Variants in NINL observed in about 807,000 individuals in gnomAD.
NINL encodes the protein ninein-like protein.
Under a neutral mutation model 160.3 loss-of-function variants are expected in NINL, and 153 were observed. The observed-to-expected ratio is 0.95, with a 90% CI of 0.84 to 1.09. The LOEUF (loss-of-function observed/expected upper bound fraction) is 1.09, where lower values mean the gene tolerates loss of function less well. Among genes scored for constraint, NINL ranks in the 50% least tolerant of loss-of-function variants. The probability of loss-of-function intolerance (pLI) is 0.00; values close to 1 mark genes in which losing one functional copy is unlikely to be tolerated. For synonymous variants in NINL, 800 were observed against 734.8 expected (o/e 1.09, Z -1.43); for missense variants, 1,829 against 1,764.0 (o/e 1.04, Z -0.66).
At chr20:25,460,931 C>T (rs1410677498) in intron 21 of NINL, among the ~76,000 whole-genome samples, 1 of 152,192 alleles carries the variant, frequency 6.6e-6, no homozygotes, top group African/African-American at 2.4e-5. Context: ...CCGTTACACA[C>T]CTGCTCTTCT....
At chr20:25,508,614 T>G (rs1045647364) in intron 5 of NINL, among the ~76,000 whole-genome samples, 1 of 152,190 alleles carries the variant, frequency 6.6e-6, no homozygotes, top group African/African-American at 2.4e-5. Context: ...TCATGCCTCC[T>G]ACAAGGGGAC....
At chr20:25,545,343 A>T (rs2064718702) in intron 1 of NINL, among the ~76,000 whole-genome samples, 1 of 152,172 alleles carries the variant, frequency 6.6e-6, no homozygotes, top group South Asian at 2.1e-4. Context: ...ATTTGGGAAA[A>T]TAAGCTTGTA....
At chr20:25,558,771 T>C (rs145291068) in intron 1 of NINL, among the ~76,000 whole-genome samples, 4 of 152,176 alleles carry the variant, frequency 2.6e-5, no homozygotes, top group Non-Finnish European at 4.4e-5. Context: ...CAAGAGCAAG[T>C]AGGCAGGCAG....
At chr20:25,516,378 A>G (rs1243964071) in intron 3 of NINL, among the ~76,000 whole-genome samples, 1 of 152,212 alleles carries the variant, frequency 6.6e-6, no homozygotes, top group African/African-American at 2.4e-5. Context: ...AAAGAAAGAA[A>G]AAGAAAAAGA....
At chr20:25,460,490 G>A (rs990696805) in intron 21 of NINL, among the ~76,000 whole-genome samples, 3 of 152,200 alleles carry the variant, frequency 2.0e-5, no homozygotes, top group African/African-American at 7.2e-5. Flanking sequence ...GCCAGGTGCT[G>A]AGGAAGTGCT....
intron 7 of NINL, among the ~76,000 whole-genome samples, chr20:25,501,649 C>A (rs1177050870): frequency 6.6e-6 from 1 of 152,212 alleles, no homozygotes; most frequent in Non-Finnish European, 1.5e-5. Context: ...GGCTGCCTGA[C>A]CCTTCCTCAG....
chr20:25,453,271 C>G lies in NINL; in HGVS notation c.*180G>C, dbSNP rs2090576492. 1 of 491,060 alleles carries G rather than the reference C, an allele frequency of 2.0e-6. No homozygotes were observed. The highest frequency in any genetic ancestry group is 4.0e-5 in the Admixed American group (1 of 25,232). The allele number at this position is 491,060 out of a possible 1,614,324, so 30.4% of individuals were successfully genotyped here. A position where few individuals can be genotyped will look rare whatever the true frequency, so the allele number is the denominator to read the frequency against. ...GGCTTCTGCAACATGCATATTCCCC[C>G]AGCCCCCACCTCCATCTTGCCCAGG... On this transcript the variant is annotated 3_prime_UTR_variant, in exon 24 of 24. Transcript: ENST00000278886.
At chr20:25,578,985 A>G (rs2065145891) in intron 1 of NINL, among the ~76,000 whole-genome samples, 1 of 151,812 alleles carries the variant, frequency 6.6e-6, no homozygotes, top group Non-Finnish European at 1.5e-5. Flanking sequence ...TAAAACATAA[A>G]TAAATAAAAT....
chr20:25,561,350 C>G (rs921382751), intron 1 of NINL, among the ~76,000 whole-genome samples: 3 of 152,158 alleles, frequency 2.0e-5, no homozygotes, highest in African/African-American at 7.2e-5. Flanking sequence ...TCAATGGTGC[C>G]CAGGCTGGAG....
At position 25,498,315 on chromosome 20, in the gene NINL, T is replaced by A. The variant is rs575771962; in HGVS notation, c.1064A>T (p.Asn355Ile). Reference sequence around the variant, plus strand: ...AAGGGCCCAGGTCAGCTCCAGAAGGTTCACCTTCTCGTCCACGCTGAAGTC... The same window carrying A: ...AAGGGCCCAGGTCAGCTCCAGAAGGATCACCTTCTCGTCCACGCTGAAGTC... The part of the protein sequence containing the change: ...SLDFSVDEKV[N>I]LLELTWALDN... Residue 355 changes from asparagine (N) to isoleucine (I), a missense_variant, in exon 9 of 24, where the codon AAC becomes ATC. By Grantham distance (149) the Asn-to-Ile change is moderately radical (BLOSUM62 -3). Coordinates refer to ENST00000278886, the MANE Select transcript of NINL (RefSeq NM_025176.6). The A allele has an allele frequency of 6.2e-7, 1 of 1,613,100 alleles. No homozygotes were observed. The highest frequency in any genetic ancestry group is 2.2e-5 in the East Asian group (1 of 44,864).
At chr20:25,487,838 C>T (rs1415506445) in intron 13 of NINL, among the ~76,000 whole-genome samples, 1 of 152,248 alleles carries the variant, frequency 6.6e-6, no homozygotes, top group East Asian at 1.9e-4. Context: ...CCATGGGGAG[C>T]TGGCTGGGCC....
intron 3 of NINL, among the ~76,000 whole-genome samples, chr20:25,515,781 G>GT (rs575717789): frequency 3.8e-4 from 58 of 151,830 alleles, no homozygotes; most frequent in Admixed American, 1.6e-3. Context: ...TTTTTGTTTT[G>GT]TTTTTTTGAG....
chr20:25,552,597 G>C (rs936871519), intron 1 of NINL, among the ~76,000 whole-genome samples: 1 of 152,196 alleles, frequency 6.6e-6, no homozygotes, highest in Non-Finnish European at 1.5e-5. Flanking sequence ...TCGCCCTTCT[G>C]TCTAAATCAC....
intron 17 of NINL, among the ~76,000 whole-genome samples, chr20:25,472,342 T>C: frequency 7.8e-6 from 1 of 127,838 alleles, no homozygotes; most frequent in South Asian, 2.5e-4. Context: ...TATATATATA[T>C]ATATATATAT....
intron 17 of NINL, among the ~76,000 whole-genome samples, chr20:25,472,487 A>G (rs1197996424): frequency 6.8e-6 from 1 of 148,012 alleles, no homozygotes; most frequent in Non-Finnish European, 1.5e-5. Flanking sequence ...TGGCTGAGAG[A>G]TTTTCATGAG....
chr20:25,458,464 C>T lies in NINL; in HGVS notation c.3762G>A (p.Val1254=). The part of the protein sequence containing the change: ...QAQHLQEVRL[V]PQDRVAELHR... ...GCAGCTCGGCCACACGGTCCTGGGG[C>T]ACCAGCCGGACCTCCTGCAAGTGCT... Residue 1254 remains valine (V), a synonymous_variant, in exon 22 of 24, where the codon GTG becomes GTA. Transcript: ENST00000278886. The T allele has an allele frequency of 1.2e-6, 2 of 1,604,332 alleles. No homozygotes were observed. The highest frequency in any genetic ancestry group is 1.7e-6 in the Non-Finnish European group (2 of 1,179,890).
Position 25,476,702 on chromosome 20 carries a change from TG to T in NINL, c.2588del (p.Pro863GlnfsTer100). The part of the protein sequence containing the change: ...CGERPLAWLA[P>X]GDGRESEEAA... Reference sequence around the variant, plus strand: ...CCTCCTCAGACTCTCTGCCATCACCTGGGGCCAGCCAGGCCAGTGGCCGCTC... The same window carrying T: ...CCTCCTCAGACTCTCTGCCATCACCTGGGCCAGCCAGGCCAGTGGCCGCTC... On this transcript the variant is annotated frameshift_variant, in exon 17 of 24. Coordinates refer to ENST00000278886, the MANE Select transcript of NINL (RefSeq NM_025176.6). LOFTEE classifies it high-confidence loss of function. 1 of 1,596,900 alleles carries T rather than the reference TG, an allele frequency of 6.3e-7. No homozygotes were observed.
chr20:25,568,503 C>T (rs866455197), intron 1 of NINL, among the ~76,000 whole-genome samples: 6 of 151,864 alleles, frequency 4.0e-5, no homozygotes, highest in East Asian at 1.9e-4. Flanking sequence ...CAACCTCCTC[C>T]GCTCAAGCAA....
intron 1 of NINL, among the ~76,000 whole-genome samples, chr20:25,554,544 G>A (rs1283142593): frequency 6.7e-6 from 1 of 150,346 alleles, no homozygotes; most frequent in Non-Finnish European, 1.5e-5. Context: ...CAGCACTTTG[G>A]GAGGCCGGGG....
Sources: gnomAD v4.1 joint callset for allele counts (sites outside exome capture counted in the v4.1 genomes callset) on GRCh38, gnomAD v4.1.1 for gene constraint, MANE v1.5 for transcripts, NCBI Gene and HGNC (gene_info 2026-07-23, HGNC 2026-07-21) for gene names.